SOX5: variants seen among roughly 807,000 people sequenced by gnomAD.
SOX5 encodes the protein transcription factor SOX-5.
A neutral mutation model predicts 92.0 loss-of-function variants in SOX5; 9 were observed. That is an observed-to-expected ratio of 0.10 (90% CI 0.06 to 0.17). SOX5 has a LOEUF of 0.17. Ranked by LOEUF, SOX5 falls within the 10% of genes least tolerant of loss-of-function variation. The pLI is 1.00. For missense variants in SOX5, 642 were observed against 944.5 expected, an observed-to-expected ratio of 0.68 and a Z score of 4.20; for synonymous variants, 344 against 336.3, an observed-to-expected ratio of 1.02 and a Z score of -0.25.
At chr12:24,192,185 T>C (rs1195591537) in intron 4 of SOX5, among the ~76,000 whole-genome samples, 1 of 152,184 alleles carries the variant, frequency 6.6e-6, no homozygotes, top group Non-Finnish European at 1.5e-5. Context: ...TTGGAAATGA[T>C]AGAGTTTGTA....
At chr12:24,140,368 C>T (rs11047279) in intron 4 of SOX5, among the ~76,000 whole-genome samples, 37,416 of 151,838 alleles carry the variant, frequency 0.25, 4,834 homozygotes, top group African/African-American at 0.32. Context: ...GTGATGTGTT[C>T]TTATAGAAAG....
intron 3 of SOX5, among the ~76,000 whole-genome samples, chr12:24,258,953 G>T (rs987045480): frequency 6.6e-6 from 1 of 152,166 alleles, no homozygotes; most frequent in African/African-American, 2.4e-5. Context: ...TGAGCCCAAA[G>T]GCTCCATCTT....
At chr12:23,996,089 G>C (rs960597089) in intron 4 of SOX5, among the ~76,000 whole-genome samples, 1 of 152,138 alleles carries the variant, frequency 6.6e-6, no homozygotes, top group African/African-American at 2.4e-5. Flanking sequence ...TGAACACAAG[G>C]AAAATTTAGG....
chr12:23,740,781 A>G, intron 5 of SOX5, 86 bp downstream of exon 5: 1 of 1,121,530 alleles, frequency 8.9e-7, no homozygotes, highest in Non-Finnish European at 1.2e-6. Flanking sequence ...ACTCTTATTC[A>G]TTGTTGTGTG....
chr12:24,274,033 T>G (rs1298959849), intron 3 of SOX5, among the ~76,000 whole-genome samples: 1 of 152,174 alleles, frequency 6.6e-6, no homozygotes, highest in Non-Finnish European at 1.5e-5. Context: ...AATAAGATAT[T>G]CATTGACTTA....
At chr12:24,205,262 C>A (rs1480300896) in intron 4 of SOX5, among the ~76,000 whole-genome samples, 1 of 152,110 alleles carries the variant, frequency 6.6e-6, no homozygotes, top group African/African-American at 2.4e-5. Context: ...ATACTTATCC[C>A]AACTCCTAGC....
chr12:24,426,616 G>A (rs1966800831), intron 1 of SOX5, among the ~76,000 whole-genome samples: 1 of 152,148 alleles, frequency 6.6e-6, no homozygotes, highest in Admixed American at 6.5e-5. Flanking sequence ...GAGAAAGCAT[G>A]GAAGTTGCTG....
intron 2 of SOX5, among the ~76,000 whole-genome samples, chr12:24,357,116 G>A (rs1429266153): frequency 6.6e-6 from 1 of 152,202 alleles, no homozygotes; most frequent in Non-Finnish European, 1.5e-5. Flanking sequence ...TTCCAGAGAA[G>A]TTTGGTGTGG....
chr12:23,576,342 C>A (rs1000641115), intron 9 of SOX5, among the ~76,000 whole-genome samples: 7 of 152,096 alleles, frequency 4.6e-5, no homozygotes, highest in Non-Finnish European at 8.8e-5. Flanking sequence ...CACGCACACA[C>A]AAGAAAATTT....
At chr12:23,739,791 G>A (rs913065288) in intron 5 of SOX5, among the ~76,000 whole-genome samples, 1 of 152,138 alleles carries the variant, frequency 6.6e-6, no homozygotes, top group Non-Finnish European at 1.5e-5. Context: ...AACTGCCAAA[G>A]CTTTAGAAAG....
At chr12:24,539,069 T>A (rs1406370801) in intron 1 of SOX5, among the ~76,000 whole-genome samples, 2 of 152,170 alleles carry the variant, frequency 1.3e-5, no homozygotes, top group Admixed American at 6.5e-5. Flanking sequence ...GCATGTTCAG[T>A]ATGATTTAGT....
At chr12:24,187,051 A>C (rs986950597) in intron 4 of SOX5, among the ~76,000 whole-genome samples, 3 of 152,150 alleles carry the variant, frequency 2.0e-5, no homozygotes, top group Non-Finnish European at 4.4e-5. Context: ...CAAGTTTCCA[A>C]ACTGATTTCA....
rs189588011 is a variant in SOX5, at chr12:24,528,180, G to A, written c.-251+34149C>T. ...ATTTGAGGGGACATCGCATAGTCACGTAAGACATGACTAAGATTCTCCTCT... is the reference window on the plus strand; with the variant it reads ...ATTTGAGGGGACATCGCATAGTCACATAAGACATGACTAAGATTCTCCTCT... On this transcript the variant is annotated intron_variant, in intron 1 of 4. Coordinates refer to the SOX5 transcript ENST00000446891. Among the ~76,000 whole-genome samples the A allele has an allele frequency of 8.1e-4, 123 of 152,284 alleles. 4 individuals are homozygous for A. The South Asian group carries it at 0.023, about 28-fold the overall frequency.
At chr12:24,043,539 A>G (rs951386541) in intron 4 of SOX5, among the ~76,000 whole-genome samples, 2 of 152,214 alleles carry the variant, frequency 1.3e-5, no homozygotes, top group African/African-American at 2.4e-5. Flanking sequence ...CATGTGTCCA[A>G]CTGGTCCAAC....
In SOX5 at chr12:23,529,717, C is replaced by T; in HGVS notation, c.*4502G>A. 1 of 151,892 alleles carries T rather than the reference C, an allele frequency of 6.6e-6. No homozygotes were observed. The highest frequency in any genetic ancestry group is 1.9e-4 in the East Asian group (1 of 5,192). The allele number at this position is 151,892 out of a possible 1,614,324, so 9.4% of individuals were successfully genotyped here. A position where few individuals can be genotyped will look rare whatever the true frequency, so the allele number is the denominator to read the frequency against. ...AAACCAAAAACATGAAAATATACAA[C>T]TTATATTACACTATGTGTTATGAAC... On this transcript the variant is annotated 3_prime_UTR_variant, in exon 15 of 15. Coordinates refer to ENST00000451604, the MANE Select transcript of SOX5 (RefSeq NM_006940.6).
intron 6 of SOX5, among the ~76,000 whole-genome samples, chr12:23,723,317 T>C (rs1349025529): frequency 1.3e-5 from 2 of 151,922 alleles, no homozygotes; most frequent in Middle Eastern, 3.2e-3. Context: ...ACTGATCAAG[T>C]TTTTATTCAA....
At chr12:24,095,148 G>T (rs867364376) in intron 4 of SOX5, among the ~76,000 whole-genome samples, 2 of 147,688 alleles carry the variant, frequency 1.4e-5, no homozygotes, top group Non-Finnish European at 3.0e-5. Context: ...GAGAGAGAGA[G>T]AGAGAGAGAC....
intron 4 of SOX5, among the ~76,000 whole-genome samples, chr12:24,010,875 G>A (rs985923538): frequency 1.3e-5 from 2 of 151,784 alleles, no homozygotes; most frequent in African/African-American, 2.4e-5. Flanking sequence ...GGAGGCAGAC[G>A]CTGCAGTGAG....
At chr12:23,750,892 T>C (rs1404872953) in intron 4 of SOX5, among the ~76,000 whole-genome samples, 1 of 151,934 alleles carries the variant, frequency 6.6e-6, no homozygotes, top group African/African-American at 2.4e-5. Context: ...ATTTACACAC[T>C]GGCATGAGGA....
Sources: allele counts gnomAD v4.1 joint callset (sites outside exome capture counted in the v4.1 genomes callset), GRCh38; gene constraint gnomAD v4.1.1; transcripts MANE v1.5; gene names NCBI Gene and HGNC (gene_info 2026-07-23, HGNC 2026-07-21).